Variants in MAPK14 observed in about 807,000 individuals in gnomAD.
MAPK14 encodes the protein CSAID-binding protein.
Under a neutral mutation model 49.6 loss-of-function variants are expected in MAPK14, and 16 were observed. That is an observed-to-expected ratio of 0.32 (90% CI 0.22 to 0.49). The LOEUF (loss-of-function observed/expected upper bound fraction) is 0.49. MAPK14 is among the 20% of genes least tolerant of loss of function. The pLI is 0.99. For missense variants in MAPK14, 200 were observed against 441.2 expected, an observed-to-expected ratio of 0.45 and a Z score of 4.90; for synonymous variants, 142 against 158.0, an observed-to-expected ratio of 0.90 and a Z score of 0.76.
rs1179023524 is a variant in MAPK14, at chr6:36,028,530, C to T, written c.116+257C>T. 6.6e-6 allele frequency among the ~76,000 whole-genome samples: 1 copy of T among 152,222 alleles called. No individual in the cohort carries two copies. Among genetic ancestry groups the T allele is most frequent in the Non-Finnish European group, 1.5e-5 (1 of 68,034 alleles). ...TGGTGGTGCTGGAGCTCGGTTCTGG[C>T]TAGCACCCTGCGCCTTCCCCTCTCG... On this transcript the variant is annotated intron_variant, in intron 1 of 11. Coordinates refer to ENST00000229794, the MANE Select transcript of MAPK14 (RefSeq NM_139012.3). This position sits in a 1 kb window ranked among gnomAD's most constrained non-coding sequence, Gnocchi z 5.1.
Position 36,059,356 on chromosome 6 carries a change from A to T in MAPK14, c.305+9A>T. ...GAGGAATTCAATGATGTGTGAGTAA[A>T]TTTTTTGCATTTGCCTTCCTGGTCT... On this transcript the variant is annotated intron_variant, in intron 3 of 11. Coordinates refer to ENST00000229794, the MANE Select transcript of MAPK14 (RefSeq NM_139012.3). 6.2e-7 allele frequency: 1 copy of T among 1,605,520 alleles called. No homozygotes were observed. Among genetic ancestry groups the T allele is most frequent in the Non-Finnish European group, 8.5e-7 (1 of 1,172,548 alleles).
intron 1 of MAPK14, among the ~76,000 whole-genome samples, chr6:36,035,145 C>T (rs375603864): frequency 1.9e-4 from 29 of 152,264 alleles, no homozygotes; most frequent in Middle Eastern, 3.4e-3. Flanking sequence ...GATCTGCCTG[C>T]CTTGGCCTCC....
rs1057366138 is a variant in MAPK14 at position 36,028,688 on chromosome 6, A to C, written c.116+415A>C. ...GCTCCGGACCCTGGGTCCTCTGAGC[A>C]GACAAGCTCGGGGAACTGCCGGGAG... is the stretch of plus-strand genomic sequence containing the variant. On this transcript the variant is annotated intron_variant, in intron 1 of 11. Coordinates refer to ENST00000229794, the MANE Select transcript of MAPK14 (RefSeq NM_139012.3). The surrounding 1 kb of genome is among the most constrained non-coding windows in gnomAD (Gnocchi z 5.1). Among the ~76,000 whole-genome samples the C allele has an allele frequency of 2.0e-5, 3 of 152,096 alleles. No individual in the cohort carries two copies. Among genetic ancestry groups the C allele is most frequent in the African/African-American group, 4.8e-5 (2 of 41,406 alleles).
intron 1 of MAPK14, among the ~76,000 whole-genome samples, chr6:36,052,466 A>G (rs564312847): frequency 5.9e-5 from 9 of 152,340 alleles, no homozygotes; most frequent in African/African-American, 2.2e-4. Context: ...CATTGAAAAA[A>G]ATTTGCTGAC....
At chr6:36,122,867 A>T in the MAPK14 span, among the ~76,000 whole-genome samples, 1 of 152,062 alleles carries the variant, frequency 6.6e-6, no homozygotes, top group Non-Finnish European at 1.5e-5. Context: ...CGAGATTCAG[A>T]CTCAGCCCTG....
chr6:36,050,097 C>G (rs1190173169), intron 1 of MAPK14, among the ~76,000 whole-genome samples: 1 of 152,138 alleles, frequency 6.6e-6, no homozygotes, highest in East Asian at 1.9e-4. Flanking sequence ...AGGTCAGAAA[C>G]TAAGAATGAA....
chr6:36,048,558 T>C (rs1287260934), intron 1 of MAPK14, among the ~76,000 whole-genome samples: 1 of 152,214 alleles, frequency 6.6e-6, no homozygotes, highest in African/African-American at 2.4e-5. Flanking sequence ...TGGACTAATA[T>C]GATATTGGTG....
intron 8 of MAPK14, among the ~76,000 whole-genome samples, chr6:36,088,963 T>G (rs576892849): frequency 6.8e-4 from 103 of 152,258 alleles, no homozygotes; most frequent in African/African-American, 2.4e-3. Flanking sequence ...TTGGTAGGAA[T>G]GTAAATTAGT....
intron 3 of MAPK14, among the ~76,000 whole-genome samples, chr6:36,060,403 C>T (rs1030886833): frequency 2.0e-5 from 3 of 152,166 alleles, no homozygotes; most frequent in African/African-American, 7.2e-5. Context: ...TCCCTGCCCC[C>T]AGTTCACATA....
At position 36,107,775 on chromosome 6, in the gene MAPK14, G is replaced by A; in HGVS notation, c.1015+147G>A. On this transcript the variant is annotated intron_variant, in intron 11 of 11. Transcript: ENST00000229794. This position sits in a 1 kb window ranked among gnomAD's most constrained non-coding sequence, Gnocchi z 4.3. The stretch of plus-strand genomic sequence containing the variant: ...AATATGTTCTCTGGTGGAAACTGTT[G>A]TAGACAGTGATACTCTCTGGACCTT... 1.9e-6 allele frequency: 1 copy of A among 528,420 alleles called. No individual in the cohort carries two copies. Among genetic ancestry groups the A allele is most frequent in the East Asian group, 3.1e-5 (1 of 31,888 alleles). 32.7% of individuals were successfully genotyped at this position (528,420 alleles called of 1,614,324 possible).
At chr6:36,032,427 T>C (rs1433695767) in intron 1 of MAPK14, among the ~76,000 whole-genome samples, 1 of 152,208 alleles carries the variant, frequency 6.6e-6, no homozygotes, top group Non-Finnish European at 1.5e-5. Flanking sequence ...GAATACATTG[T>C]TGCAAAGCAT....
At chr6:36,122,853 G>C in the MAPK14 span, among the ~76,000 whole-genome samples, 1 of 152,170 alleles carries the variant, frequency 6.6e-6, no homozygotes, top group Non-Finnish European at 1.5e-5. Context: ...TACAAATGGA[G>C]GCACGAGATT....
rs769721411 is a variant in MAPK14, at chr6:36,028,220, C to A, written c.63C>A (p.Pro21=). The change falls in exon 1 of 12, where the codon CCC becomes CCA. Residue 21 remains proline, a synonymous_variant. Coordinates refer to ENST00000229794, the MANE Select transcript of MAPK14 (RefSeq NM_139012.3). The surrounding 1 kb of genome is among the most constrained non-coding windows in gnomAD (Gnocchi z 5.1). ...TGAACAAGACAATCTGGGAGGTGCC[C>A]GAGCGTTACCAGAACCTGTCTCCAG... ...QELNKTIWEV[P]ERYQNLSPVG... 1 of 1,613,796 alleles carries A rather than the reference C, an allele frequency of 6.2e-7. No individual in the cohort carries two copies. Among genetic ancestry groups the A allele is most frequent in the Admixed American group, 1.7e-5 (1 of 59,996 alleles).
At position 36,095,982 on chromosome 6, in the gene MAPK14, A is replaced by G. The variant is rs540457201; in HGVS notation, c.683-5A>G. 1.3e-6 allele frequency: 2 copies of G among 1,577,098 alleles called. No individual in the cohort carries two copies. The highest frequency in any genetic ancestry group is 1.7e-5 in the Admixed American group (1 of 58,908). On this transcript the variant is annotated splice_polypyrimidine_tract_variant and splice_region_variant and intron_variant, in intron 8 of 11. Transcript: ENST00000229794. ...CCAACATTTTCCTTTATGGTCCACCATTAGATATTGATCAGTTGAAGCTCA... is the reference window on the plus strand; with the variant it reads ...CCAACATTTTCCTTTATGGTCCACCGTTAGATATTGATCAGTTGAAGCTCA...
intron 1 of MAPK14, 73 bp from the exon 2 acceptor site, chr6:36,052,626 G>A: frequency 1.4e-6 from 2 of 1,402,010 alleles, no homozygotes; most frequent in Admixed American, 2.5e-5. Flanking sequence ...TTTGGAAATA[G>A]CCTTATAAAT....
At chr6:36,034,807 C>T (rs768076171) in intron 1 of MAPK14, among the ~76,000 whole-genome samples, 26 of 151,374 alleles carry the variant, frequency 1.7e-4, no homozygotes, top group East Asian at 3.9e-4. Context: ...CTGTGGTAAG[C>T]GAGTCTTTTG....
intron 2 of MAPK14, among the ~76,000 whole-genome samples, chr6:36,056,995 A>G (rs1045607369): frequency 2.0e-5 from 3 of 152,226 alleles, no homozygotes; most frequent in Non-Finnish European, 2.9e-5. Context: ...TTAAAGCACT[A>G]TTGTGAATGA....
chr6:36,068,180 A>G (rs1764134085), intron 3 of MAPK14, among the ~76,000 whole-genome samples: 1 of 152,114 alleles, frequency 6.6e-6, no homozygotes, highest in Non-Finnish European at 1.5e-5. Context: ...AGAGCATTCC[A>G]GGCAGAAGAG....
intron 10 of MAPK14, among the ~76,000 whole-genome samples, chr6:36,103,556 G>A (rs1019731508): frequency 1.3e-5 from 2 of 151,960 alleles, no homozygotes; most frequent in African/African-American, 4.8e-5. Flanking sequence ...CTTACTAATC[G>A]TGGACTCCTG....
Sources: gnomAD v4.1 joint callset for allele counts (sites outside exome capture counted in the v4.1 genomes callset) on GRCh38, gnomAD v4.1.1 for gene constraint, Gnocchi (gnomAD v3.1) non-coding constraint, MANE v1.5 for transcripts, NCBI Gene and HGNC (gene_info 2026-07-23, HGNC 2026-07-21) for gene names.